The following ITPR3 variants were observed in gnomAD, a reference collection of about 807,000 sequenced individuals.
The protein encoded by ITPR3 is inositol 1,4,5-trisphosphate-gated calcium channel ITPR3.
ITPR3 carries 173 observed loss-of-function variants against 293.2 expected under a neutral mutation model. That is an observed-to-expected ratio of 0.59 (90% confidence interval 0.52 to 0.67). ITPR3 has a LOEUF of 0.67. ITPR3 is among the 30% of genes least tolerant of loss of function. ITPR3 has a pLI of 0.00. For missense variants in ITPR3, 2,796 were observed against 3,592.1 expected (o/e 0.78, Z 5.66); for synonymous variants, 1,295 against 1,444.4 (o/e 0.90, Z 2.35).
rs533957739 is a variant in ITPR3 at position 33,632,710 on chromosome 6, A to G, written c.90-7774A>G. The stretch of plus-strand genomic sequence containing the variant: ...CATCCTCCTGCTCCCTCTGCTGTTC[A>G]GACTGGTCTTGTGCCTCCCAGTGGA... On this transcript the variant is annotated intron_variant, in intron 1 of 57. Transcript: ENST00000605930. This position sits in a 1 kb window ranked among gnomAD's most constrained non-coding sequence, Gnocchi z 4.1. Among the ~76,000 whole-genome samples the G allele has an allele frequency of 1.6e-4, 24 of 152,320 alleles. No individual in the cohort carries two copies. The highest frequency in any genetic ancestry group is 1.6e-3 in the Admixed American group (24 of 15,304).
chr6:33,670,902 G>A lies in ITPR3; in HGVS notation c.2586+87G>A. ...CTCGGTCTTCACCCAGGAGTCGGCT[G>A]TGGGATCCATGACCCCACTTCCTTC... On this transcript the variant is annotated intron_variant, in intron 20 of 57. Transcript: ENST00000605930. The surrounding 1 kb of genome is among the most constrained non-coding windows in gnomAD (Gnocchi z 6.7). The A allele has an allele frequency of 1.3e-6, 2 of 1,517,654 alleles. No homozygotes were observed. Among genetic ancestry groups the A allele is most frequent in the Non-Finnish European group, 1.8e-6 (2 of 1,121,604 alleles). The allele number at this position is 1,517,654 out of a possible 1,614,324, so 94.0% of individuals were successfully genotyped here.
Position 33,658,453 on chromosome 6 carries a change from T to C in ITPR3, c.370-217T>C, listed in dbSNP as rs1277855246. ...ATTTAGAACAGCCTCTTTCTTGTGA[T>C]CACCAGGGTGTCCATGGGGGTGTGC... On this transcript the variant is annotated intron_variant, in intron 4 of 57. Coordinates refer to ENST00000605930, the MANE Select transcript of ITPR3 (RefSeq NM_002224.4). This position sits in a 1 kb window ranked among gnomAD's most constrained non-coding sequence, Gnocchi z 6.1. Among the ~76,000 whole-genome samples the C allele has an allele frequency of 2.0e-5, 3 of 152,214 alleles. No homozygotes were observed. Among genetic ancestry groups the C allele is most frequent in the Non-Finnish European group, 4.4e-5 (3 of 68,032 alleles).
At chr6:33,640,350 G>A (rs1040448567) in intron 1 of ITPR3, 134 bp from the exon 2 acceptor site, 11 of 772,352 alleles carry the variant, frequency 1.4e-5, no homozygotes, top group Non-Finnish European at 2.2e-5. Context: ...TGACTTGATG[G>A]TGGGGAGCTT....
Position 33,686,016 on chromosome 6 carries a change from G to A in ITPR3, c.5668-37G>A, listed in dbSNP as rs771866176. ...CCAGGCCAGCCTCCCTCTCCGTGCT[G>A]TAGCTGTGCTGTGCCCAACCCTTCT... On this transcript the variant is annotated intron_variant, in intron 41 of 57. Transcript: ENST00000605930. 28 of 1,608,828 alleles carry A rather than the reference G, an allele frequency of 1.7e-5. 1 individual carries two copies. The highest frequency in any genetic ancestry group is 1.4e-5 in the Non-Finnish European group (16 of 1,176,246).
chr6:33,669,307 C>A, intron 18 of ITPR3, 151 bp downstream of exon 18: 1 of 777,754 alleles, frequency 1.3e-6, no homozygotes, highest in Non-Finnish European at 2.0e-6. Context: ...CACTCCCCTG[C>A]CACGAAGCCT....
intron 2 of ITPR3, among the ~76,000 whole-genome samples, chr6:33,651,550 G>T (rs901522487): frequency 6.6e-6 from 1 of 152,158 alleles, no homozygotes; most frequent in African/African-American, 2.4e-5. Flanking sequence ...CTCACCTTCT[G>T]TGGGCCTGGG....
chr6:33,666,169 C>G lies in ITPR3; in HGVS notation c.1551+193C>G, dbSNP rs1339806102. On this transcript the variant is annotated intron_variant, in intron 14 of 57. Transcript: ENST00000605930. This position sits in a 1 kb window ranked among gnomAD's most constrained non-coding sequence, Gnocchi z 5.1. ...ACTGCCTGGAGGAGGCGCCGTGATT[C>G]TTACCCCGTTTTACTGGTGAGGAAG... is the stretch of plus-strand genomic sequence containing the variant. Among the ~76,000 whole-genome samples, 3 of 152,212 alleles carry G rather than the reference C, an allele frequency of 2.0e-5. No homozygotes were observed. Among genetic ancestry groups the G allele is most frequent in the African/African-American group, 4.8e-5 (2 of 41,446 alleles).
chr6:33,640,279 C>T (rs993018893), intron 1 of ITPR3, among the ~76,000 whole-genome samples: 7 of 152,076 alleles, frequency 4.6e-5, no homozygotes, highest in African/African-American at 1.7e-4. Flanking sequence ...CTGTGTTCTT[C>T]CTGGGGTTCT....
chr6:33,665,701 G>A lies in ITPR3; in HGVS notation c.1410-134G>A, dbSNP rs1240361466. ...AAGCCGGGAAGAGGAATTGTAGGCT[G>A]AGGATGGGTTTTGTGCTTTGGGGGC... On this transcript the variant is annotated intron_variant, in intron 13 of 57. Coordinates refer to ENST00000605930, the MANE Select transcript of ITPR3 (RefSeq NM_002224.4). 7 of 943,778 alleles carry A rather than the reference G, an allele frequency of 7.4e-6. No individual in the cohort carries two copies. In the African/African-American group the frequency reaches 1.1e-4, roughly 15 times the overall value. 58.5% of individuals were successfully genotyped at this position (943,778 alleles called of 1,614,324 possible).
At chr6:33,635,010 C>T (rs1367869873) in intron 1 of ITPR3, among the ~76,000 whole-genome samples, 4 of 152,178 alleles carry the variant, frequency 2.6e-5, no homozygotes, top group Non-Finnish European at 5.9e-5. Context: ...GCTGCACAAC[C>T]TCCATGCTGC....
chr6:33,657,749 G>A (rs996560402), intron 3 of ITPR3, among the ~76,000 whole-genome samples, 183 bp from the exon 4 acceptor site: 5 of 151,854 alleles, frequency 3.3e-5, no homozygotes, highest in Non-Finnish European at 7.4e-5. Flanking sequence ...CACTCAGAGT[G>A]CAGCACTCTG....
At chr6:33,626,982 A>G (rs1763562809) in intron 1 of ITPR3, among the ~76,000 whole-genome samples, 1 of 151,876 alleles carries the variant, frequency 6.6e-6, no homozygotes, top group South Asian at 2.1e-4. Flanking sequence ...ATTTTTTTGT[A>G]TTTTTAGTAG....
rs1235739642 is a variant in ITPR3 at position 33,622,611 on chromosome 6, C to CCACA, written c.89+923_89+926dup. Among the ~76,000 whole-genome samples, 4 of 152,186 alleles carry CCACA rather than the reference C, an allele frequency of 2.6e-5. No individual in the cohort carries two copies. In the East Asian group the frequency reaches 5.8e-4, roughly 22 times the overall value. On this transcript the variant is annotated intron_variant, in intron 1 of 57. Coordinates refer to ENST00000605930, the MANE Select transcript of ITPR3 (RefSeq NM_002224.4). Reference sequence around the variant, plus strand: ...GGGTTAAATTGTCTCATCCTCCCAACCACACATGGCTGTCCTCTAGGGTAC... The same window carrying CCACA: ...GGGTTAAATTGTCTCATCCTCCCAACCACACACACATGGCTGTCCTCTAGGGTAC...
At chr6:33,629,310 C>T (rs1206697567) in intron 1 of ITPR3, among the ~76,000 whole-genome samples, 2 of 152,092 alleles carry the variant, frequency 1.3e-5, no homozygotes, top group African/African-American at 2.4e-5. Flanking sequence ...TTCCTAATAG[C>T]ATTCAGGGCC....
chr6:33,681,495 C>G (rs1336481316), intron 33 of ITPR3, among the ~76,000 whole-genome samples: 1 of 152,246 alleles, frequency 6.6e-6, no homozygotes, highest in African/African-American at 2.4e-5. Context: ...TCGAAAGATT[C>G]ATGGCTCCTT....
Position 33,621,816 on chromosome 6 carries a change from C to T in ITPR3, c.89+125C>T. On this transcript the variant is annotated intron_variant, in intron 1 of 57. Transcript: ENST00000605930. This position sits in a 1 kb window ranked among gnomAD's most constrained non-coding sequence, Gnocchi z 7.7. ...TGGACGTCCCCCTAGTCTCAAGGAG[C>T]GGGAACGGCTCGCCTCCTTCTTTTA... The T allele has an allele frequency of 5.8e-6, 4 of 690,538 alleles. No homozygotes were observed. The highest frequency in any genetic ancestry group is 2.8e-5 in the East Asian group (1 of 35,320). The allele number at this position is 690,538 out of a possible 1,614,324, so 42.8% of individuals were successfully genotyped here.
Position 33,679,992 on chromosome 6 carries a change from C to A in ITPR3, c.4083C>A (p.Pro1361=), listed in dbSNP as rs766766265. The change falls in exon 31 of 58, where the codon CCC becomes CCA. Residue 1361 remains proline, a synonymous_variant. Transcript: ENST00000605930. This position sits in a 1 kb window ranked among gnomAD's most constrained non-coding sequence, Gnocchi z 4.2. ...AARDGVEDHS[P]LMYHISLVDL... ...GCGACGGCGTGGAGGACCACAGCCC[C>A]CTCATGTACCACATTTCCCTGGTGG... 11 of 1,613,842 alleles carry A rather than the reference C, an allele frequency of 6.8e-6. No homozygotes were observed. Among genetic ancestry groups the A allele is most frequent in the Non-Finnish European group, 9.3e-6 (11 of 1,180,052 alleles).
chr6:33,676,818 G>C lies in ITPR3; in HGVS notation c.3333G>C (p.Lys1111Asn). The C allele has an allele frequency of 1.2e-6, 2 of 1,614,210 alleles. No homozygotes were observed. Among genetic ancestry groups the C allele is most frequent in the African/African-American group, 2.7e-5 (2 of 75,070 alleles). ...ACGTGGAGAACTACAAGGTGATCAA[G>C]TCGGAGCTGGACCGGCTGCGGACCA... ...AQDVENYKVI[K>N]SELDRLRTMV... The change falls in exon 26 of 58, where the codon AAG becomes AAC. Residue 1111 changes from lysine (K) to asparagine (N), a missense_variant. Lys to Asn is a moderately conservative substitution (Grantham distance 94). Transcript: ENST00000605930.
At chr6:33,677,460 T>A (rs1403989228) in intron 27 of ITPR3, 44 bp from the exon 28 acceptor site, 1 of 1,607,662 alleles carries the variant, frequency 6.2e-7, no homozygotes, top group Non-Finnish European at 8.5e-7. Context: ...GAGGGCAGCC[T>A]GAGAAGTAGG....
Sources: allele counts gnomAD v4.1 joint callset (sites outside exome capture counted in the v4.1 genomes callset), GRCh38; gene constraint gnomAD v4.1.1; non-coding constraint Gnocchi (gnomAD v3.1); transcripts MANE v1.5; gene names NCBI Gene and HGNC (gene_info 2026-07-23, HGNC 2026-07-21).